The following IFNG-AS1 variants were observed in gnomAD, a reference collection of about 807,000 sequenced individuals.
IFNG-AS1 encodes IFNG regulatory antisense RNA 1.
At chr12:67,995,549 T>C (rs1382358889) in intron 1 of IFNG-AS1, among the ~76,000 whole-genome samples, 2 of 151,424 alleles carry the variant, frequency 1.3e-5, no homozygotes, top group Non-Finnish European at 2.9e-5. Flanking sequence ...GGTGAAACCC[T>C]GTCTCTCCTA....
chr12:68,015,382 C>T (rs1466522333), intron 3 of IFNG-AS1, among the ~76,000 whole-genome samples: 1 of 152,086 alleles, frequency 6.6e-6, no homozygotes, highest in Non-Finnish European at 1.5e-5. Flanking sequence ...AGGGAAGGGC[C>T]GAGACAAGAT....
At chr12:67,993,610 A>T (rs536772289) in intron 1 of IFNG-AS1, among the ~76,000 whole-genome samples, 1 of 152,360 alleles carries the variant, frequency 6.6e-6, no homozygotes, top group East Asian at 1.9e-4. Context: ...GAATTATTAA[A>T]CACTTAAAAA....
intron 3 of IFNG-AS1, among the ~76,000 whole-genome samples, chr12:68,012,225 AT>A (rs976172259): frequency 1.3e-5 from 2 of 152,016 alleles, no homozygotes; most frequent in Admixed American, 1.3e-4. Flanking sequence ...AAGGATCTAA[AT>A]TTTTTTAAGT....
chr12:68,008,332 C>T lies in IFNG-AS1; in HGVS notation n.241+2186C>T, dbSNP rs1160167198. Reference sequence around the variant, plus strand: ...TCGGGAGGCTGAGGCAGGAGAATGGCGTGAACCCAGGAGGCAGAGGTTGCA... The same window carrying T: ...TCGGGAGGCTGAGGCAGGAGAATGGTGTGAACCCAGGAGGCAGAGGTTGCA... On this transcript the variant is annotated intron_variant and non_coding_transcript_variant, in intron 3 of 5. Transcript: ENST00000536914. Among the ~76,000 whole-genome samples, 4 of 151,840 alleles carry T rather than the reference C, an allele frequency of 2.6e-5. No individual in the cohort carries two copies. The East Asian group carries it at 5.8e-4, about 22-fold the overall frequency.
At chr12:68,015,383 G>A (rs534893785) in intron 3 of IFNG-AS1, among the ~76,000 whole-genome samples, 8 of 152,258 alleles carry the variant, frequency 5.3e-5, no homozygotes, top group South Asian at 4.1e-4. Flanking sequence ...GGGAAGGGCC[G>A]AGACAAGATC....
At chr12:68,016,944 G>C (rs1880169660) in intron 3 of IFNG-AS1, among the ~76,000 whole-genome samples, 1 of 152,160 alleles carries the variant, frequency 6.6e-6, no homozygotes, top group African/African-American at 2.4e-5. Flanking sequence ...TATCCTCATG[G>C]AACTTTCAAG....
chr12:67,996,293 G>A (rs1400707715), intron 2 of IFNG-AS1, among the ~76,000 whole-genome samples: 2 of 152,184 alleles, frequency 1.3e-5, no homozygotes, highest in Non-Finnish European at 1.5e-5. Flanking sequence ...GTAAAGCAGA[G>A]GCCATGTGAA....
intron 2 of IFNG-AS1, among the ~76,000 whole-genome samples, chr12:68,000,902 T>C (rs1879752272): frequency 6.6e-6 from 1 of 152,152 alleles, no homozygotes; most frequent in Non-Finnish European, 1.5e-5. Context: ...AGAGTCGAAT[T>C]TTATGTACAG....
intron 1 of IFNG-AS1, among the ~76,000 whole-genome samples, chr12:67,991,250 T>C (rs535282370): frequency 1.3e-5 from 2 of 152,346 alleles, no homozygotes; most frequent in Non-Finnish European, 2.9e-5. Context: ...ATTATTAGGT[T>C]TTAAGAAGAT....
chr12:68,014,834 A>G (rs942526192), intron 3 of IFNG-AS1, among the ~76,000 whole-genome samples: 31 of 152,156 alleles, frequency 2.0e-4, no homozygotes, highest in African/African-American at 6.3e-4. Flanking sequence ...TATTGGTTCT[A>G]TTTCTTTGGA....
intron 3 of IFNG-AS1, among the ~76,000 whole-genome samples, chr12:68,014,937 G>A (rs757386517): frequency 6.6e-6 from 1 of 152,004 alleles, no homozygotes; most frequent in Non-Finnish European, 1.5e-5. Flanking sequence ...GGTGAAAAGA[G>A]CAATGCACAT....
chr12:67,997,167 A>G (rs920376714), intron 2 of IFNG-AS1, among the ~76,000 whole-genome samples: 1 of 152,142 alleles, frequency 6.6e-6, no homozygotes, highest in African/African-American at 2.4e-5. Context: ...TCTGAAAGAC[A>G]TAAAACACTG....
intron 2 of IFNG-AS1, among the ~76,000 whole-genome samples, chr12:68,000,395 T>C (rs976352984): frequency 2.0e-5 from 3 of 152,222 alleles, no homozygotes; most frequent in African/African-American, 7.2e-5. Context: ...ATGCAGTGAC[T>C]CATGCCTGTA....
At chr12:68,001,008 G>A (rs1879754672) in intron 2 of IFNG-AS1, among the ~76,000 whole-genome samples, 1 of 152,074 alleles carries the variant, frequency 6.6e-6, no homozygotes. Flanking sequence ...TAAAGGATAG[G>A]CCTATTTTAT....
chr12:68,008,471 A>G (rs1016443215), intron 3 of IFNG-AS1, among the ~76,000 whole-genome samples: 19 of 152,166 alleles, frequency 1.2e-4, no homozygotes, highest in Non-Finnish European at 2.6e-4. Context: ...ATTCTAATCT[A>G]GGAGTTCTGG....
intron 3 of IFNG-AS1, among the ~76,000 whole-genome samples, chr12:68,016,867 T>C (rs1236959944): frequency 6.6e-6 from 1 of 152,194 alleles, no homozygotes; most frequent in Non-Finnish European, 1.5e-5. Flanking sequence ...GTATTGTGGC[T>C]CTGCCCTGGG....
intron 2 of IFNG-AS1, among the ~76,000 whole-genome samples, chr12:67,997,043 A>T (rs973548280): frequency 6.6e-6 from 1 of 152,120 alleles, no homozygotes; most frequent in African/African-American, 2.4e-5. Flanking sequence ...ATAAACAATG[A>T]TTATTTAGGA....
At chr12:68,010,499 C>A (rs1288001255) in intron 3 of IFNG-AS1, among the ~76,000 whole-genome samples, 1 of 152,190 alleles carries the variant, frequency 6.6e-6, no homozygotes, top group African/African-American at 2.4e-5. Flanking sequence ...TACCCCTTGC[C>A]ACAATCACAC....
chr12:68,008,360 G>A (rs1340228914), intron 3 of IFNG-AS1, among the ~76,000 whole-genome samples: 3 of 151,408 alleles, frequency 2.0e-5, no homozygotes, highest in Non-Finnish European at 4.4e-5. Flanking sequence ...AGGTTGCAGT[G>A]AGCCAAGACC....
Sources: allele counts gnomAD v4.1 joint callset (sites outside exome capture counted in the v4.1 genomes callset), GRCh38; gene constraint gnomAD v4.1.1; transcripts MANE v1.5; gene names NCBI Gene and HGNC (gene_info 2026-07-23, HGNC 2026-07-21).